The following PCDHGB1 variants were observed in gnomAD, a reference collection of about 807,000 sequenced individuals.
PCDHGB1 encodes protocadherin gamma subfamily B, 1.
PCDHGB1 carries 34 observed loss-of-function variants against 56.6 expected under a neutral mutation model. The ratio of observed to expected loss-of-function variants is 0.60; its 90% CI spans 0.46 to 0.80. PCDHGB1 has a LOEUF of 0.80. Among genes scored for constraint, PCDHGB1 ranks in the 30% least tolerant of loss-of-function variants. The pLI is 0.00. For synonymous variants in PCDHGB1, 561 were observed against 505.9 expected, an observed-to-expected ratio of 1.11 and a Z score of -1.46; for missense variants, 1,278 against 1,204.6, an observed-to-expected ratio of 1.06 and a Z score of -0.90.
intron 1 of PCDHGB1, chr5:141,355,725 C>G (rs1161979451): frequency 6.2e-7 from 1 of 1,614,014 alleles, no homozygotes; most frequent in Admixed American, 1.7e-5. Context: ...TCAACTCAAA[C>G]GGTTACTTTT....
rs1269856662 is a variant in PCDHGB1, at chr5:141,375,833, C to A, written c.2409+23164C>A. On this transcript the variant is annotated intron_variant, in intron 1 of 3. Coordinates refer to ENST00000523390, the MANE Select transcript of PCDHGB1 (RefSeq NM_018922.3). The stretch of plus-strand genomic sequence containing the variant: ...GGAGCTGGCGCCCCGCTCCGCAGAG[C>A]CCGGCTACCTGGTGACCAAGGTGGT... 6.2e-7 allele frequency: 1 copy of A among 1,614,034 alleles called. No homozygotes were observed. Among genetic ancestry groups the A allele is most frequent in the Non-Finnish European group, 8.5e-7 (1 of 1,180,048 alleles).
chr5:141,414,185 T>C lies in PCDHGB1; in HGVS notation c.2409+61516T>C, dbSNP rs374044785. ...GGAGCATATCTTGCAACTGCAAAAG[T>C]GTTGATTACAGTAGAAGATGTAAAT... On this transcript the variant is annotated intron_variant, in intron 1 of 3. Transcript: ENST00000523390. The C allele has an allele frequency of 1.2e-5, 19 of 1,609,558 alleles. No homozygotes were observed. The highest frequency in any genetic ancestry group is 1.6e-5 in the Non-Finnish European group (19 of 1,177,778).
Position 141,475,871 on chromosome 5 carries a change from A to C in PCDHGB1, c.2410-18936A>C, listed in dbSNP as rs568810142. 35 of 513,270 alleles carry C rather than the reference A, an allele frequency of 6.8e-5. No individual in the cohort carries two copies. The East Asian group carries it at 1.1e-3, about 16-fold the overall frequency. The allele number at this position is 513,270 out of a possible 1,614,324, so 31.8% of individuals were successfully genotyped here. The stretch of plus-strand genomic sequence containing the variant: ...CCCGGCGCTAGCTCATTCTTCGTGC[A>C]GTTATTGGCTGGGACTCTGTGTGCC... On this transcript the variant is annotated intron_variant, in intron 1 of 3. Transcript: ENST00000523390.
At position 141,380,161 on chromosome 5, in the gene PCDHGB1, A is replaced by G. The variant is rs552815003; in HGVS notation, c.2409+27492A>G. Among the ~76,000 whole-genome samples, 14 of 152,240 alleles carry G rather than the reference A, an allele frequency of 9.2e-5. No individual in the cohort carries two copies. In the South Asian group the frequency reaches 1.5e-3, roughly 16 times the overall value. On this transcript the variant is annotated intron_variant, in intron 1 of 3. Transcript: ENST00000523390. The stretch of plus-strand genomic sequence containing the variant: ...GTGATCCACCCGCCTCAGCCTCTCA[A>G]AGGGCTGGGATTACAGGCATGAGCC...
At chr5:141,425,353 T>C (rs868017955) in intron 1 of PCDHGB1, among the ~76,000 whole-genome samples, 2 of 152,296 alleles carry the variant, frequency 1.3e-5, no homozygotes, top group Middle Eastern at 3.4e-3. Context: ...CTTTGAAATG[T>C]GATATTAAGA....
chr5:141,393,387 C>T lies in PCDHGB1; in HGVS notation c.2409+40718C>T, dbSNP rs772072669. The stretch of plus-strand genomic sequence containing the variant: ...GACTGGAGACAATGGAGCCATAAAC[C>T]CAGAGCTGGTGCTGGAGCGCGCCCT... On this transcript the variant is annotated intron_variant, in intron 1 of 3. Coordinates refer to ENST00000523390, the MANE Select transcript of PCDHGB1 (RefSeq NM_018922.3). The T allele has an allele frequency of 3.7e-6, 6 of 1,613,972 alleles. No homozygotes were observed. The East Asian group carries it at 1.3e-4, about 36-fold the overall frequency.
At chr5:141,376,756 G>A (rs1049941497) in intron 1 of PCDHGB1, 9 of 448,098 alleles carry the variant, frequency 2.0e-5, no homozygotes, top group African/African-American at 1.7e-4. Context: ...GCGCAATCTC[G>A]GCTCACTGCA....
intron 1 of PCDHGB1, chr5:141,362,450 C>T (rs766571642): frequency 1.2e-6 from 2 of 1,614,050 alleles, no homozygotes; most frequent in Non-Finnish European, 1.7e-6. Context: ...AACATAACCC[C>T]GGAATTGGTT....
intron 1 of PCDHGB1, chr5:141,362,158 C>T (rs767396512): frequency 7.4e-6 from 12 of 1,613,916 alleles, no homozygotes; most frequent in South Asian, 2.2e-5. Context: ...ATTGCCAGAC[C>T]TCAGCGACCG....
At chr5:141,488,062 T>C (rs1488970442) in intron 1 of PCDHGB1, among the ~76,000 whole-genome samples, 1 of 152,152 alleles carries the variant, frequency 6.6e-6, no homozygotes, top group Non-Finnish European at 1.5e-5. Flanking sequence ...AAATAAAATC[T>C]TTGTCTCCCA....
At chr5:141,359,102 A>G (rs1459397500) in intron 1 of PCDHGB1, among the ~76,000 whole-genome samples, 6 of 152,232 alleles carry the variant, frequency 3.9e-5, no homozygotes, top group Non-Finnish European at 8.8e-5. Context: ...ATGGTTTTGT[A>G]TTCATAGAAA....
At chr5:141,434,331 T>C (rs1271938024) in intron 1 of PCDHGB1, among the ~76,000 whole-genome samples, 3 of 152,186 alleles carry the variant, frequency 2.0e-5, no homozygotes, top group Non-Finnish European at 4.4e-5. Context: ...GCTTGTCTCT[T>C]TGTGTCGGGA....
Position 141,477,100 on chromosome 5 carries a change from C to T in PCDHGB1, c.2410-17707C>T, listed in dbSNP as rs970613825. Reference sequence around the variant, plus strand: ...TTTACATCCAGGCCAAAGACAAGGGCGCCAATCCCGAAGGAGCACATTGCA... The same window carrying T: ...TTTACATCCAGGCCAAAGACAAGGGTGCCAATCCCGAAGGAGCACATTGCA... On this transcript the variant is annotated intron_variant, in intron 1 of 3. Transcript: ENST00000523390. The surrounding 1 kb of genome is among the most constrained non-coding windows in gnomAD (Gnocchi z 4.9). 1 of 1,614,098 alleles carries T rather than the reference C, an allele frequency of 6.2e-7. No homozygotes were observed. Among genetic ancestry groups the T allele is most frequent in the African/African-American group, 1.3e-5 (1 of 74,932 alleles).
intron 1 of PCDHGB1, chr5:141,370,412 A>G (rs1561546319): frequency 3.2e-6 from 5 of 1,567,090 alleles, no homozygotes; most frequent in Non-Finnish European, 4.3e-6. Context: ...ATAGCTCCGG[A>G]TGGAGGGGCC....
Position 141,489,454 on chromosome 5 carries a change from G to C in PCDHGB1, c.2410-5353G>C, listed in dbSNP as rs1177748773. 1 of 1,613,940 alleles carries C rather than the reference G, an allele frequency of 6.2e-7. No homozygotes were observed. The highest frequency in any genetic ancestry group is 1.3e-5 in the African/African-American group (1 of 74,906). On this transcript the variant is annotated intron_variant, in intron 1 of 3. Transcript: ENST00000523390. This position sits in a 1 kb window ranked among gnomAD's most constrained non-coding sequence, Gnocchi z 4.5. ...GCTGCAATTGGGCTCTGAGGAGAAT[G>C]GGCGCTATTTTTCCCTGAGCTTGAT...
chr5:141,358,441 C>T (rs1357089273), intron 1 of PCDHGB1, among the ~76,000 whole-genome samples: 5 of 152,054 alleles, frequency 3.3e-5, no homozygotes, highest in African/African-American at 4.8e-5. Context: ...TAACAGGCAA[C>T]GTCAATTTAA....
At chr5:141,462,503 A>G (rs1338834436) in intron 1 of PCDHGB1, among the ~76,000 whole-genome samples, 1 of 152,060 alleles carries the variant, frequency 6.6e-6, no homozygotes, top group East Asian at 1.9e-4. Context: ...ATAATTGTCA[A>G]CTAGATCAAG....
At chr5:141,393,976 A>G in intron 1 of PCDHGB1, 1 of 1,613,856 alleles carries the variant, frequency 6.2e-7, no homozygotes, top group Non-Finnish European at 8.5e-7. Flanking sequence ...TACACACGTG[A>G]TAATTTACCT....
chr5:141,418,282 A>T (rs1209026046), intron 1 of PCDHGB1: 2 of 1,614,030 alleles, frequency 1.2e-6, no homozygotes, highest in Non-Finnish European at 1.7e-6. Flanking sequence ...TAAACTTAGA[A>T]ATCAGTGAAT....
Sources: gnomAD v4.1 joint callset for allele counts (sites outside exome capture counted in the v4.1 genomes callset) on GRCh38, gnomAD v4.1.1 for gene constraint, Gnocchi (gnomAD v3.1) non-coding constraint, MANE v1.5 for transcripts, NCBI Gene and HGNC (gene_info 2026-07-23, HGNC 2026-07-21) for gene names.